The following VWA5B1 variants were observed in gnomAD, a reference collection of about 807,000 sequenced individuals.
VWA5B1 encodes the protein von Willebrand factor A domain-containing protein 5B1.
A neutral mutation model predicts 118.2 loss-of-function variants in VWA5B1; 115 were observed. The ratio of observed to expected loss-of-function variants is 0.97; its 90% CI spans 0.84 to 1.14. The LOEUF (loss-of-function observed/expected upper bound fraction) is 1.14. Ranked by LOEUF, VWA5B1 falls within the 50% of genes most tolerant of loss-of-function variation. The pLI, the probability that VWA5B1 is intolerant of heterozygous loss-of-function variation, is 0.00. For synonymous variants in VWA5B1, 682 were observed against 658.4 expected, an observed-to-expected ratio of 1.04 and a Z score of -0.55; for missense variants, 1,596 against 1,603.8, an observed-to-expected ratio of 1.00 and a Z score of 0.08.
At chr1:20,320,890 C>T (rs2089189005) in intron 7 of VWA5B1, among the ~76,000 whole-genome samples, 1 of 152,110 alleles carries the variant, frequency 6.6e-6, no homozygotes, top group African/African-American at 2.4e-5. Flanking sequence ...ATCAAAAGAG[C>T]CCGTCTGGGC....
chr1:20,352,570 A>T (rs181714530), intron 21 of VWA5B1, among the ~76,000 whole-genome samples: 1 of 152,194 alleles, frequency 6.6e-6, no homozygotes. Context: ...TCCCAGGGAC[A>T]TGGACTGTGT....
At chr1:20,324,610 AG>A (rs1253255286) in intron 8 of VWA5B1, among the ~76,000 whole-genome samples, 1 of 152,090 alleles carries the variant, frequency 6.6e-6, no homozygotes, top group Non-Finnish European at 1.5e-5. Flanking sequence ...ACAAGGAAGG[AG>A]GGGGCAAGAA....
At chr1:20,335,342 A>G (rs2089682505) in intron 12 of VWA5B1, among the ~76,000 whole-genome samples, 1 of 152,206 alleles carries the variant, frequency 6.6e-6, no homozygotes. Context: ...TAATAGTTGA[A>G]ATGCAGAATT....
intron 3 of VWA5B1, among the ~76,000 whole-genome samples, chr1:20,313,943 G>A (rs1570096207): frequency 6.6e-6 from 1 of 152,142 alleles, no homozygotes; most frequent in South Asian, 2.1e-4. Flanking sequence ...TGGCTAATTA[G>A]GGATGAAGGA....
In VWA5B1 at chr1:20,354,530, A is replaced by G. The variant is rs1414899136; in HGVS notation, c.*267A>G. The stretch of plus-strand genomic sequence containing the variant: ...GGGCGAGATGAAGGAGGTGGAGTGG[A>G]TCTCAAATGGTTCAGTGGTTCCTTT... On this transcript the variant is annotated 3_prime_UTR_variant, in exon 22 of 22. Transcript: ENST00000289815. The G allele has an allele frequency of 4.1e-6, 2 of 493,742 alleles. No homozygotes were observed. Among genetic ancestry groups the G allele is most frequent in the African/African-American group, 3.9e-5 (2 of 51,268 alleles). The allele number at this position is 493,742 out of a possible 1,614,324, so 30.6% of individuals were successfully genotyped here. A position where few individuals can be genotyped will look rare whatever the true frequency, so the allele number is the denominator to read the frequency against.
In VWA5B1 at chr1:20,314,542, G is replaced by T. The variant is rs1233922965; in HGVS notation, c.513G>T (p.Val171=). 1 of 1,551,546 alleles carries T rather than the reference G, an allele frequency of 6.4e-7. No homozygotes were observed. Among genetic ancestry groups the T allele is most frequent in the Non-Finnish European group, 8.7e-7 (1 of 1,147,014 alleles). The change falls in exon 4 of 22, where the codon GTG becomes GTT. Residue 171 remains valine, a synonymous_variant. Coordinates refer to ENST00000289815, the MANE Select transcript of VWA5B1 (RefSeq NM_001039500.3). ...TGCCTGCTGTCTGTGCCCCAACCGTGCCCCAGTTCTGCACCAAGAGCACTG... is the reference window on the plus strand; with the variant it reads ...TGCCTGCTGTCTGTGCCCCAACCGTTCCCCAGTTCTGCACCAAGAGCACTG... ...VLLPAVCAPT[V]PQFCTKSTGT... is the part of the protein sequence containing the mutation.
In VWA5B1 at chr1:20,357,829, C is replaced by G. The variant is rs536652035; in HGVS notation, c.*3566C>G. Among the ~76,000 whole-genome samples, 69 of 152,274 alleles carry G rather than the reference C, an allele frequency of 4.5e-4. 1 individual carries two copies. The highest frequency in any genetic ancestry group is 1.6e-3 in the African/African-American group (66 of 41,554). On this transcript the variant is annotated 3_prime_UTR_variant, in exon 22 of 22. Coordinates refer to ENST00000289815, the MANE Select transcript of VWA5B1 (RefSeq NM_001039500.3). ...ACGGCCAGCCCCCTGAGCTTTCAGG[C>G]TCTCATTTATGGTATGGGTACAGAT...
chr1:20,334,969 C>T (rs948342311), intron 12 of VWA5B1, among the ~76,000 whole-genome samples: 3 of 152,104 alleles, frequency 2.0e-5, no homozygotes, highest in Non-Finnish European at 4.4e-5. Context: ...AAACTGAATG[C>T]TTAACAACAA....
chr1:20,295,246 A>G (rs1259179657), intron 1 of VWA5B1, among the ~76,000 whole-genome samples: 2 of 152,178 alleles, frequency 1.3e-5, no homozygotes, highest in Non-Finnish European at 2.9e-5. Context: ...GGTCTGGGGA[A>G]GAGCACATAT....
chr1:20,337,805 T>C lies in VWA5B1; in HGVS notation c.2102T>C (p.Leu701Pro), dbSNP rs2089762278. The C allele has an allele frequency of 6.4e-7, 1 of 1,551,690 alleles. No individual in the cohort carries two copies. The highest frequency in any genetic ancestry group is 1.4e-5 in the African/African-American group (1 of 73,008). The change falls in exon 14 of 22, where the codon CTG becomes CCG. Residue 701 changes from leucine (L) to proline (P), a missense_variant. Coordinates refer to ENST00000289815, the MANE Select transcript of VWA5B1 (RefSeq NM_001039500.3). ...CAGGACCTCACCAACCAGACCAGCCTGGATGTCCAGCGGTGGCAGATTGAT... is the reference window on the plus strand; with the variant it reads ...CAGGACCTCACCAACCAGACCAGCCCGGATGTCCAGCGGTGGCAGATTGAT... Reference protein sequence around the residue: ...RLQDLTNQTSLDVQRWQIDLQ... With the variant: ...RLQDLTNQTSPDVQRWQIDLQ...
intron 9 of VWA5B1, among the ~76,000 whole-genome samples, chr1:20,329,412 G>T (rs1041993530): frequency 2.1e-5 from 3 of 145,864 alleles, no homozygotes; most frequent in Non-Finnish European, 4.5e-5. Context: ...AGGTTCAAGC[G>T]ATTCTCCTGC....
chr1:20,301,737 G>A (rs550819533), intron 1 of VWA5B1, among the ~76,000 whole-genome samples: 9 of 152,316 alleles, frequency 5.9e-5, no homozygotes, highest in East Asian at 3.9e-4. Flanking sequence ...GCTTTTCAGC[G>A]GAGCCACAGG....
At chr1:20,307,853 G>C (rs191158252) in intron 1 of VWA5B1, among the ~76,000 whole-genome samples, 1 of 147,070 alleles carries the variant, frequency 6.8e-6, no homozygotes, top group Non-Finnish European at 1.5e-5. Flanking sequence ...TTTTATTTGC[G>C]TGCATGTGTG....
At chr1:20,314,984 C>T (rs888743661) in intron 4 of VWA5B1, among the ~76,000 whole-genome samples, 1 of 152,068 alleles carries the variant, frequency 6.6e-6, no homozygotes. Context: ...GGTGGAAGAC[C>T]ATTATACAAC....
intron 16 of VWA5B1, among the ~76,000 whole-genome samples, chr1:20,344,656 T>A (rs2089970623): frequency 6.6e-6 from 1 of 152,156 alleles, no homozygotes; most frequent in Non-Finnish European, 1.5e-5. Flanking sequence ...ACTGGTGGGA[T>A]CTTGATGGAA....
At chr1:20,308,259 G>T (rs548094091) in intron 1 of VWA5B1, among the ~76,000 whole-genome samples, 1 of 152,172 alleles carries the variant, frequency 6.6e-6, no homozygotes, top group Non-Finnish European at 1.5e-5. Context: ...TGCTGAGGGA[G>T]TCTGCCGTCT....
chr1:20,318,717 C>G lies in VWA5B1; in HGVS notation c.837C>G (p.Pro279=). Reference sequence around the variant, plus strand: ...GGCCTGTGGAGATCCTCATCCACCCCAGCGGTACGGTGCCCCACAACGGGC... The same window carrying G: ...GGCCTGTGGAGATCCTCATCCACCCGAGCGGTACGGTGCCCCACAACGGGC... The part of the protein sequence containing the change: ...FDRPVEILIH[P]SEPHMPHVLI... Residue 279 remains proline (P), a synonymous_variant, in exon 6 of 22, where the codon CCC becomes CCG. Coordinates refer to ENST00000289815, the MANE Select transcript of VWA5B1 (RefSeq NM_001039500.3). 1 of 1,496,008 alleles carries G rather than the reference C, an allele frequency of 6.7e-7. No homozygotes were observed. Among genetic ancestry groups the G allele is most frequent in the South Asian group, 1.4e-5 (1 of 74,050 alleles). 92.7% of individuals were successfully genotyped at this position (1,496,008 alleles called of 1,614,324 possible). A position where few individuals can be genotyped will look rare whatever the true frequency, so the allele number is the denominator to read the frequency against.
Position 20,319,428 on chromosome 1 carries a change from G to C in VWA5B1, c.888G>C (p.Leu296=). Residue 296 remains leucine (L), a synonymous_variant, in exon 7 of 22, where the codon CTG becomes CTC. Transcript: ENST00000289815. The stretch of plus-strand genomic sequence containing the variant: ...TGATAGAGAAAGGGGACATGACCCT[G>C]GGAGAGTTTGACCAGCACTTGAAGG... The part of the protein sequence containing the change: ...HVLIEKGDMT[L]GEFDQHLKGR... The C allele has an allele frequency of 6.4e-7, 1 of 1,551,778 alleles. No homozygotes were observed. Among genetic ancestry groups the C allele is most frequent in the Non-Finnish European group, 8.7e-7 (1 of 1,147,012 alleles).
At chr1:20,330,836 G>T in intron 10 of VWA5B1, 33 bp from the exon 11 acceptor site, 1 of 1,534,950 alleles carries the variant, frequency 6.5e-7, no homozygotes, top group South Asian at 1.2e-5. Flanking sequence ...GAGAGGATAA[G>T]ACATAGCAGC....
Sources: gnomAD v4.1 joint callset for allele counts (sites outside exome capture counted in the v4.1 genomes callset) on GRCh38, gnomAD v4.1.1 for gene constraint, MANE v1.5 for transcripts, NCBI Gene and HGNC (gene_info 2026-07-23, HGNC 2026-07-21) for gene names.